Variants in SOX6 observed in about 807,000 individuals in gnomAD.
SOX6 encodes SRY-box transcription factor 6, also known as transcription factor SOX-6.
SOX6 carries 11 observed loss-of-function variants against 97.8 expected under a neutral mutation model. That is an observed-to-expected ratio of 0.11 (90% confidence interval 0.07 to 0.19). SOX6 has a LOEUF of 0.19. SOX6 is among the 10% of genes least tolerant of loss of function. SOX6 has a pLI of 1.00. For synonymous variants in SOX6, 360 were observed against 371.4 expected (o/e 0.97, Z 0.35); for missense variants, 810 against 1,039.5 (o/e 0.78, Z 3.04).
chr11:15,976,113 A>G (rs1365399566), intron 15 of SOX6, among the ~76,000 whole-genome samples: 1 of 152,154 alleles, frequency 6.6e-6, no homozygotes, highest in Non-Finnish European at 1.5e-5. Context: ...TGAGGAAATG[A>G]AGGGAGTCCA....
chr11:16,108,841 T>C (rs1372387373), intron 7 of SOX6, among the ~76,000 whole-genome samples: 1 of 151,820 alleles, frequency 6.6e-6, no homozygotes, highest in Admixed American at 6.6e-5. Flanking sequence ...GGGTGGGGAG[T>C]GAAGGCCTAT....
intron 15 of SOX6, among the ~76,000 whole-genome samples, chr11:15,984,437 G>A (rs1460965050): frequency 6.6e-6 from 1 of 152,106 alleles, no homozygotes; most frequent in Non-Finnish European, 1.5e-5. Flanking sequence ...AATCACAAGA[G>A]GTCCCAAACT....
intron 4 of SOX6, among the ~76,000 whole-genome samples, chr11:16,226,311 ATTGTGTTTTTTTTGTTT>A (rs1852685504): frequency 7.2e-6 from 1 of 138,134 alleles, no homozygotes; most frequent in African/African-American, 2.7e-5. Flanking sequence ...CTATCACATA[ATTGTGTTTTTTTTGTTT>A]TTGTTTTTGT....
chr11:16,719,565 G>A (rs1848243880), intron 2 of SOX6, among the ~76,000 whole-genome samples: 1 of 152,136 alleles, frequency 6.6e-6, no homozygotes. Flanking sequence ...GTTTAGTAAA[G>A]TTTTCTGTAC....
At chr11:16,562,887 T>G (rs1847831231) in intron 4 of SOX6, among the ~76,000 whole-genome samples, 5 of 152,160 alleles carry the variant, frequency 3.3e-5, no homozygotes, top group Admixed American at 3.3e-4. Context: ...GAGGACCATC[T>G]GAACTTCCAT....
chr11:16,477,916 T>C (rs939063121), upstream of SOX6, among the ~76,000 whole-genome samples: 18 of 152,138 alleles, frequency 1.2e-4, no homozygotes, highest in Admixed American at 1.2e-3. Context: ...GCTCTGTCAT[T>C]AATTGTTGGT....
chr11:16,226,357 C>A (rs1464367619), intron 4 of SOX6, among the ~76,000 whole-genome samples: 2 of 149,804 alleles, frequency 1.3e-5, no homozygotes, highest in South Asian at 4.2e-4. Flanking sequence ...TCTCTCTTAT[C>A]TTCTGTGTGT....
intron 3 of SOX6, among the ~76,000 whole-genome samples, chr11:16,657,969 C>T (rs1847736341): frequency 1.3e-5 from 2 of 152,172 alleles, no homozygotes; most frequent in Admixed American, 1.3e-4. Flanking sequence ...ATACTATATT[C>T]CATTATTTCC....
chr11:16,072,377 C>T (rs1848246514), intron 9 of SOX6, among the ~76,000 whole-genome samples: 1 of 152,026 alleles, frequency 6.6e-6, no homozygotes, highest in African/African-American at 2.4e-5. Context: ...TAAAATAACT[C>T]AGTCAGACAA....
chr11:16,355,987 C>T (rs1857062842), intron 1 of SOX6, among the ~76,000 whole-genome samples, 107 bp downstream of exon 1: 1 of 152,002 alleles, frequency 6.6e-6, no homozygotes, highest in Non-Finnish European at 1.5e-5. Context: ...CTTTTCTTAA[C>T]AAGCCATCAT....
Position 15,971,257 on chromosome 11 carries a change from T to C in SOX6, c.*1552A>G, listed in dbSNP as rs990225369. On this transcript the variant is annotated 3_prime_UTR_variant, in exon 16 of 16. Coordinates refer to ENST00000683767, the MANE Select transcript of SOX6 (RefSeq NM_001367873.1). ...GATGTATCATGACTATTTGCCACCA[T>C]CTTTGCTCTGAGGCTGTCATGTGGC... 3 of 152,726 alleles carry C rather than the reference T, an allele frequency of 2.0e-5. No individual in the cohort carries two copies. Among genetic ancestry groups the C allele is most frequent in the African/African-American group, 7.2e-5 (3 of 41,464 alleles). 9.5% of individuals were successfully genotyped at this position (152,726 alleles called of 1,614,324 possible).
Position 16,113,139 on chromosome 11 carries a change from T to C in SOX6, c.778-1216A>G, listed in dbSNP as rs536138767. On this transcript the variant is annotated intron_variant, in intron 6 of 15. Coordinates refer to ENST00000683767, the MANE Select transcript of SOX6 (RefSeq NM_001367873.1). Reference sequence around the variant, plus strand: ...CCTTGTCCTGTCCCTGTTCCCTTCATAGCCAGGGACACAGTGCAAAAAATG... The same window carrying C: ...CCTTGTCCTGTCCCTGTTCCCTTCACAGCCAGGGACACAGTGCAAAAAATG... Among the ~76,000 whole-genome samples, 109 of 152,262 alleles carry C rather than the reference T, an allele frequency of 7.2e-4. 1 individual carries two copies. Among genetic ancestry groups the C allele is most frequent in the Middle Eastern group, 6.8e-3 (2 of 294 alleles).
At chr11:16,081,151 G>C (rs749699557) in intron 9 of SOX6, among the ~76,000 whole-genome samples, 8 of 152,056 alleles carry the variant, frequency 5.3e-5, no homozygotes, top group Non-Finnish European at 1.0e-4. Flanking sequence ...CCTGCAATGA[G>C]GAAGCGTTTG....
intron 9 of SOX6, among the ~76,000 whole-genome samples, chr11:16,089,059 T>C (rs1376498999): frequency 6.6e-6 from 1 of 152,132 alleles, no homozygotes; most frequent in African/African-American, 2.4e-5. Context: ...TGGTAGCTGG[T>C]GCTATAAGAG....
intron 3 of SOX6, among the ~76,000 whole-genome samples, chr11:16,299,766 C>G (rs1416266059): frequency 6.6e-6 from 1 of 151,974 alleles, no homozygotes; most frequent in Non-Finnish European, 1.5e-5. Context: ...TGCTTTACCA[C>G]ATGGGTCTTT....
intron 2 of SOX6, among the ~76,000 whole-genome samples, chr11:16,337,151 A>G (rs1181458711): frequency 1.3e-5 from 2 of 152,134 alleles, no homozygotes; most frequent in Non-Finnish European, 2.9e-5. Flanking sequence ...CTATACACTC[A>G]GGTATCCAGT....
chr11:16,151,925 T>A (rs1850468544), intron 6 of SOX6, among the ~76,000 whole-genome samples: 1 of 152,218 alleles, frequency 6.6e-6, no homozygotes, highest in Non-Finnish European at 1.5e-5. Context: ...GAGAACTTTA[T>A]TTTGTATATC....
intron 3 of SOX6, among the ~76,000 whole-genome samples, chr11:16,639,016 T>C (rs1848845210): frequency 6.6e-6 from 1 of 152,224 alleles, no homozygotes; most frequent in Non-Finnish European, 1.5e-5. Context: ...CTGAATGGTA[T>C]TGCCTACGTT....
At chr11:16,077,855 T>C (rs780188134) in intron 9 of SOX6, among the ~76,000 whole-genome samples, 1 of 152,076 alleles carries the variant, frequency 6.6e-6, no homozygotes, top group Non-Finnish European at 1.5e-5. Context: ...ATCTATCAGG[T>C]ACTACACTTA....
Sources: gnomAD v4.1 joint callset for allele counts (sites outside exome capture counted in the v4.1 genomes callset) on GRCh38, gnomAD v4.1.1 for gene constraint, MANE v1.5 for transcripts, NCBI Gene and HGNC (gene_info 2026-07-23, HGNC 2026-07-21) for gene names.